Variants in SLC24A2 observed in about 807,000 individuals in gnomAD.
SLC24A2 encodes the protein sodium/potassium/calcium exchanger 2.
Under a neutral mutation model 62.0 loss-of-function variants are expected in SLC24A2, and 36 were observed. The observed-to-expected ratio is 0.58, with a 90% confidence interval of 0.44 to 0.77. SLC24A2 has a LOEUF of 0.77. Ranked by LOEUF, SLC24A2 falls within the 30% of genes least tolerant of loss-of-function variation. The probability of loss-of-function intolerance (pLI) is 0.00; values close to 1 mark genes in which losing one functional copy is unlikely to be tolerated. For synonymous variants in SLC24A2, 358 were observed against 294.0 expected (o/e 1.22, Z -2.23); for missense variants, 846 against 817.9 (o/e 1.03, Z -0.42).
the SLC24A2 span, among the ~76,000 whole-genome samples, chr9:20,213,053 G>C: frequency 4.6e-5 from 7 of 151,614 alleles, no homozygotes; most frequent in African/African-American, 1.7e-4. Flanking sequence ...GAGAGCATCA[G>C]GAAAAATAGC....
the SLC24A2 span, among the ~76,000 whole-genome samples, chr9:19,853,979 C>T: frequency 0.025 from 3,806 of 152,162 alleles, 150 homozygotes; most frequent in African/African-American, 0.086. Flanking sequence ...GCCTCAATTT[C>T]AGAACTCATT....
chr9:20,002,594 T>A, the SLC24A2 span, among the ~76,000 whole-genome samples: 1 of 151,860 alleles, frequency 6.6e-6, no homozygotes. Context: ...CATCACAGAG[T>A]TAGGACTTGA....
At chr9:20,087,973 G>A in the SLC24A2 span, among the ~76,000 whole-genome samples, 3 of 152,182 alleles carry the variant, frequency 2.0e-5, no homozygotes, top group Non-Finnish European at 4.4e-5. Context: ...GCAACCCCAG[G>A]TCAGGAGATC....
chr9:19,885,235 A>C, the SLC24A2 span, among the ~76,000 whole-genome samples: 2 of 152,198 alleles, frequency 1.3e-5, no homozygotes, highest in Non-Finnish European at 2.9e-5. Flanking sequence ...CACTGTGGCC[A>C]GATGCATGCT....
chr9:19,580,577 T>A (rs575046481), intron 5 of SLC24A2, among the ~76,000 whole-genome samples: 25 of 152,334 alleles, frequency 1.6e-4, no homozygotes, highest in Admixed American at 1.2e-3. Context: ...TAGGAAGACA[T>A]GGCATTTTCA....
the SLC24A2 span, among the ~76,000 whole-genome samples, chr9:20,220,587 A>T: frequency 6.6e-6 from 1 of 152,098 alleles, no homozygotes; most frequent in Non-Finnish European, 1.5e-5. Flanking sequence ...GATTTCCAGC[A>T]CCTCTATCAT....
At chr9:19,850,658 C>A in the SLC24A2 span, among the ~76,000 whole-genome samples, 1 of 151,720 alleles carries the variant, frequency 6.6e-6, no homozygotes, top group African/African-American at 2.4e-5. Flanking sequence ...TGGATCTGTG[C>A]TTTGTTTTTA....
the SLC24A2 span, among the ~76,000 whole-genome samples, chr9:19,886,918 T>C: frequency 1.3e-5 from 2 of 152,266 alleles, no homozygotes; most frequent in South Asian, 4.1e-4. Context: ...TGGATAGAGC[T>C]GGCAGCCATT....
chr9:19,717,077 C>T (rs539889115), intron 2 of SLC24A2, among the ~76,000 whole-genome samples: 1 of 152,296 alleles, frequency 6.6e-6, no homozygotes, highest in South Asian at 2.1e-4. Context: ...TACTGCAGCT[C>T]ACTTTGCCAG....
the SLC24A2 span, among the ~76,000 whole-genome samples, chr9:19,951,242 G>A: frequency 2.6e-4 from 37 of 141,450 alleles, no homozygotes; most frequent in East Asian, 7.2e-3. Flanking sequence ...GTGTGTGTGT[G>A]TGTGTGTGTG....
chr9:20,002,262 A>C, the SLC24A2 span, among the ~76,000 whole-genome samples: 12 of 152,186 alleles, frequency 7.9e-5, no homozygotes, highest in African/African-American at 2.9e-4. Flanking sequence ...GCACTGATGT[A>C]CCAGTAGTTG....
At chr9:19,674,889 T>C (rs1410445910) in intron 2 of SLC24A2, among the ~76,000 whole-genome samples, 1 of 152,252 alleles carries the variant, frequency 6.6e-6, no homozygotes, top group Non-Finnish European at 1.5e-5. Context: ...TTGCATCCAC[T>C]GCTGGTGAGC....
chr9:20,247,308 C>T, the SLC24A2 span, among the ~76,000 whole-genome samples: 1 of 152,132 alleles, frequency 6.6e-6, no homozygotes, highest in Non-Finnish European at 1.5e-5. Flanking sequence ...CAGGCCCTCA[C>T]CAAGAACTCC....
the SLC24A2 span, among the ~76,000 whole-genome samples, chr9:20,034,451 G>GTTTTTTTTTT: frequency 1.2e-5 from 1 of 83,180 alleles, no homozygotes; most frequent in Non-Finnish European, 2.1e-5. Context: ...GGCCTTTTAA[G>GTTTTTTTTTT]TTTTTTTTTT....
chr9:20,286,595 T>C, the SLC24A2 span, among the ~76,000 whole-genome samples: 1 of 152,224 alleles, frequency 6.6e-6, no homozygotes. Flanking sequence ...GGCTGAGATC[T>C]GTCATTTTAG....
At chr9:19,530,988 G>GC (rs1158665243) in intron 8 of SLC24A2, among the ~76,000 whole-genome samples, 1 of 151,812 alleles carries the variant, frequency 6.6e-6, no homozygotes, top group African/African-American at 2.4e-5. Flanking sequence ...AATATACCCC[G>GC]CCATATACAT....
At chr9:20,023,060 G>A in the SLC24A2 span, among the ~76,000 whole-genome samples, 1 of 152,174 alleles carries the variant, frequency 6.6e-6, no homozygotes, top group African/African-American at 2.4e-5. Flanking sequence ...AAATGACACT[G>A]TGCATCTATT....
the SLC24A2 span, among the ~76,000 whole-genome samples, chr9:19,891,844 C>T: frequency 2.0e-5 from 3 of 152,170 alleles, no homozygotes; most frequent in African/African-American, 7.2e-5. Flanking sequence ...GGCACTAAAC[C>T]ATGCATGAGA....
chr9:20,163,766 A>G, the SLC24A2 span, among the ~76,000 whole-genome samples: 146 of 152,310 alleles, frequency 9.6e-4, no homozygotes, highest in Non-Finnish European at 1.7e-3. Context: ...ACAGCACGGT[A>G]CTGGTACCAA....
Sources: allele counts gnomAD v4.1 joint callset (sites outside exome capture counted in the v4.1 genomes callset), GRCh38; gene constraint gnomAD v4.1.1; transcripts MANE v1.5; gene names NCBI Gene and HGNC (gene_info 2026-07-23, HGNC 2026-07-21).